The following CCDC81 variants were observed in gnomAD, a reference collection of about 807,000 sequenced individuals.
The protein encoded by CCDC81 is coiled-coil domain containing 81, also known as coiled-coil domain-containing protein 81.
Under a neutral mutation model 83.7 loss-of-function variants are expected in CCDC81, and 79 were observed. The ratio of observed to expected loss-of-function variants is 0.94; its 90% CI spans 0.79 to 1.14. CCDC81 has a LOEUF of 1.14. Among genes scored for constraint, CCDC81 ranks in the 50% most tolerant of loss-of-function variants. CCDC81 has a pLI of 0.00. For missense variants in CCDC81, 791 were observed against 778.1 expected (o/e 1.02, Z -0.20); for synonymous variants, 252 against 278.1 (o/e 0.91, Z 0.93).
Position 86,422,922 on chromosome 11 carries a change from C to T in CCDC81, c.*207C>T. 1.8e-6 allele frequency: 1 copy of T among 557,276 alleles called. No individual in the cohort carries two copies. 34.5% of individuals were successfully genotyped at this position (557,276 alleles called of 1,614,324 possible). ...TATTTCCTATACTAGTTTCTGATGG[C>T]AGTGAAGGTGTCTGAATGGTCCTGA... On this transcript the variant is annotated 3_prime_UTR_variant, in exon 15 of 15. Coordinates refer to ENST00000445632, the MANE Select transcript of CCDC81 (RefSeq NM_001156474.2).
intron 4 of CCDC81, among the ~76,000 whole-genome samples, chr11:86,393,715 G>A (rs1169115147): frequency 6.6e-6 from 1 of 152,160 alleles, no homozygotes; most frequent in Non-Finnish European, 1.5e-5. Context: ...CCATTAAGTA[G>A]CTGGTGTGAC....
intron 1 of CCDC81, among the ~76,000 whole-genome samples, chr11:86,377,965 G>GTTTTTTTTT (rs368831070): frequency 2.7e-4 from 4 of 14,860 alleles, no homozygotes; most frequent in African/African-American, 5.9e-4. Flanking sequence ...CTGTGCCTAG[G>GTTTTTTTTT]TTCTTTTTTT....
intron 3 of CCDC81, among the ~76,000 whole-genome samples, chr11:86,389,206 G>A (rs1948289439): frequency 6.6e-6 from 1 of 151,850 alleles, no homozygotes; most frequent in South Asian, 2.1e-4. Context: ...GAGGCAAGAG[G>A]ATCACTTCAG....
rs777273387 is a variant in CCDC81, at chr11:86,422,597, T to A, written c.1841T>A (p.Leu614Gln). Reference sequence around the variant, plus strand: ...AGGGCTTCAGACAAGCTGTTTCTCCTAGACCAGTGTGAGAAGTATCGGCGC... The same window carrying A: ...AGGGCTTCAGACAAGCTGTTTCTCCAAGACCAGTGTGAGAAGTATCGGCGC... ...FERASDKLFL[L>Q]DQCEKYRRCK... The change falls in exon 15 of 15, where the codon CTA becomes CAA. Residue 614 changes from leucine (L) to glutamine (Q), a missense_variant. Physicochemically the swap from Leu to Gln is moderately radical, Grantham distance 113 (BLOSUM62 -2). Coordinates refer to ENST00000445632, the MANE Select transcript of CCDC81 (RefSeq NM_001156474.2). 2 of 1,613,934 alleles carry A rather than the reference T, an allele frequency of 1.2e-6. No homozygotes were observed. The highest frequency in any genetic ancestry group is 1.1e-5 in the South Asian group (1 of 91,074).
chr11:86,408,734 G>A (rs755450474), intron 9 of CCDC81, among the ~76,000 whole-genome samples: 4 of 152,166 alleles, frequency 2.6e-5, no homozygotes, highest in Admixed American at 1.3e-4. Flanking sequence ...TTGCGTTGAA[G>A]TTTTCACTAA....
At chr11:86,399,567 C>T (rs7936278) in intron 6 of CCDC81, among the ~76,000 whole-genome samples, 105,672 of 151,936 alleles carry the variant, frequency 0.7, 36,880 homozygotes, top group Non-Finnish European at 0.72. Context: ...CTGCCCACCT[C>T]GGCCTCCCAA....
rs367838610 is a variant in CCDC81 at position 86,412,578 on chromosome 11, G to A, written c.1391+19G>A. 39 of 1,569,642 alleles carry A rather than the reference G, an allele frequency of 2.5e-5. No homozygotes were observed. Among genetic ancestry groups the A allele is most frequent in the Admixed American group, 1.6e-4 (8 of 49,466 alleles). On this transcript the variant is annotated intron_variant, in intron 11 of 14. Transcript: ENST00000445632. ...CAGAGGAGTGAGTCCAGCTACACACGCTCTGACAAATGGATTTGGAATTTT... is the reference window on the plus strand; with the variant it reads ...CAGAGGAGTGAGTCCAGCTACACACACTCTGACAAATGGATTTGGAATTTT...
intron 5 of CCDC81, among the ~76,000 whole-genome samples, chr11:86,397,069 C>G (rs1365419405): frequency 6.6e-6 from 1 of 151,338 alleles, no homozygotes; most frequent in East Asian, 1.9e-4. Context: ...TACTCCATAC[C>G]TGAGGCCAAA....
chr11:86,400,923 A>T, intron 7 of CCDC81, 122 bp downstream of exon 7: 1 of 1,013,550 alleles, frequency 9.9e-7, no homozygotes, highest in Non-Finnish European at 1.4e-6. Context: ...AGAGCTTTCT[A>T]TATGCAACAT....
At chr11:86,376,870 G>T (rs769747484) in intron 1 of CCDC81, among the ~76,000 whole-genome samples, 4 of 152,074 alleles carry the variant, frequency 2.6e-5, no homozygotes, top group Non-Finnish European at 5.9e-5. Context: ...TATGAGTTTG[G>T]ACAAATGTAA....
chr11:86,415,018 C>A (rs1948696864), intron 12 of CCDC81, 75 bp from the exon 13 acceptor site: 2 of 1,509,284 alleles, frequency 1.3e-6, no homozygotes, highest in East Asian at 4.5e-5. Context: ...TGGTATTTTA[C>A]CACATTACAG....
intron 4 of CCDC81, among the ~76,000 whole-genome samples, chr11:86,394,061 AC>A (rs1436638803): frequency 2.0e-5 from 3 of 152,200 alleles, no homozygotes; most frequent in Non-Finnish European, 2.9e-5. Context: ...AGGATTGCCA[AC>A]CCTGTGTGTG....
At chr11:86,383,912 T>C (rs1948206316) in intron 1 of CCDC81, among the ~76,000 whole-genome samples, 1 of 152,232 alleles carries the variant, frequency 6.6e-6, no homozygotes, top group Non-Finnish European at 1.5e-5. Flanking sequence ...TATGTAATGT[T>C]ATCTGTTAGG....
intron 12 of CCDC81, 79 bp downstream of exon 12, chr11:86,414,946 A>G: frequency 1.4e-6 from 2 of 1,419,598 alleles, no homozygotes; most frequent in Non-Finnish European, 1.9e-6. Context: ...AGTTGTTACG[A>G]ATATTTTTAT....
intron 6 of CCDC81, among the ~76,000 whole-genome samples, chr11:86,400,282 T>C (rs1253012324): frequency 6.6e-6 from 1 of 152,220 alleles, no homozygotes; most frequent in East Asian, 1.9e-4. Context: ...GAGCTCTCAC[T>C]TTTTTGTTTG....
chr11:86,422,594 T>C lies in CCDC81; in HGVS notation c.1838T>C (p.Leu613Pro), dbSNP rs1280367640. The C allele has an allele frequency of 3.7e-6, 6 of 1,613,876 alleles. No homozygotes were observed. The highest frequency in any genetic ancestry group is 5.1e-6 in the Non-Finnish European group (6 of 1,179,858). Residue 613 changes from leucine to proline, a missense_variant, in exon 15 of 15, where the codon CTC (leucine) becomes CCC (proline). By Grantham distance (98) the Leu-to-Pro change is moderately conservative. Transcript: ENST00000445632. Reference protein sequence around the residue: ...AFERASDKLFLLDQCEKYRRC... With the variant: ...AFERASDKLFPLDQCEKYRRC... ...CTCAGGGCTTCAGACAAGCTGTTTCTCCTAGACCAGTGTGAGAAGTATCGG... is the reference window on the plus strand; with the variant it reads ...CTCAGGGCTTCAGACAAGCTGTTTCCCCTAGACCAGTGTGAGAAGTATCGG...
intron 1 of CCDC81, among the ~76,000 whole-genome samples, chr11:86,384,468 A>G (rs974629605): frequency 1.3e-5 from 2 of 152,202 alleles, no homozygotes; most frequent in Non-Finnish European, 2.9e-5. Context: ...TCCATCACCA[A>G]ACTTGTTCCC....
chr11:86,398,473 G>C (rs1032661268), intron 6 of CCDC81, among the ~76,000 whole-genome samples: 1 of 151,972 alleles, frequency 6.6e-6, no homozygotes, highest in Non-Finnish European at 1.5e-5. Context: ...CATCTAATCT[G>C]TTGTGATAGG....
At chr11:86,395,145 C>A in intron 4 of CCDC81, 189 bp from the exon 5 acceptor site, 1 of 461,438 alleles carries the variant, frequency 2.2e-6, no homozygotes, top group Non-Finnish European at 3.9e-6. Flanking sequence ...GTGCAGCTAC[C>A]CAGGGTGATT....
Sources: gnomAD v4.1 joint callset for allele counts (sites outside exome capture counted in the v4.1 genomes callset) on GRCh38, gnomAD v4.1.1 for gene constraint, MANE v1.5 for transcripts, NCBI Gene and HGNC (gene_info 2026-07-23, HGNC 2026-07-21) for gene names.